Variants in TMEM143 observed in about 807,000 individuals in gnomAD.
TMEM143 encodes the protein transmembrane protein 143.
A neutral mutation model predicts 40.3 loss-of-function variants in TMEM143; 45 were observed. The ratio of observed to expected loss-of-function variants is 1.12; its 90% confidence interval spans 0.88 to 1.43. TMEM143 has a LOEUF of 1.43. Ranked by LOEUF, TMEM143 falls within the 40% of genes most tolerant of loss-of-function variation. The pLI, the probability that TMEM143 is intolerant of heterozygous loss-of-function variation, is 0.00. For synonymous variants in TMEM143, 299 were observed against 282.7 expected (o/e 1.06, Z -0.58); for missense variants, 620 against 613.4 (o/e 1.01, Z -0.11).
At chr19:48,353,289 C>T (rs1481775994) in intron 3 of TMEM143, among the ~76,000 whole-genome samples, 1 of 151,748 alleles carries the variant, frequency 6.6e-6, no homozygotes. Context: ...AAGCGATTCT[C>T]CTGCCTCAGC....
chr19:48,334,418 CTTTCTT>C (rs1969299230), intron 6 of TMEM143, among the ~76,000 whole-genome samples: 1 of 13,476 alleles, frequency 7.4e-5, no homozygotes, highest in South Asian at 2.7e-3. Context: ...CTTTTTCTCT[CTTTCTT>C]TCTTTCTTTC....
chr19:48,357,211 C>T (rs1259089062), intron 3 of TMEM143, among the ~76,000 whole-genome samples: 1 of 151,780 alleles, frequency 6.6e-6, no homozygotes, highest in Non-Finnish European at 1.5e-5. Flanking sequence ...CCTGCTTTGG[C>T]CACCCAAAGT....
chr19:48,341,803 G>A lies in TMEM143; in HGVS notation c.975+727C>T, dbSNP rs189362365. Among the ~76,000 whole-genome samples, 529 of 152,014 alleles carry A rather than the reference G, an allele frequency of 3.5e-3. 1 individual carries two copies. The highest frequency in any genetic ancestry group is 5.0e-3 in the Non-Finnish European group (337 of 67,984). On this transcript the variant is annotated intron_variant, in intron 6 of 7. Coordinates refer to ENST00000293261, the MANE Select transcript of TMEM143 (RefSeq NM_018273.4). ...GCTTCCAGAACACACCCCCTTCACC[G>A]CATCACTAAAGCGCCCCTAAAGCCG...
At chr19:48,357,647 C>T (rs1471078130) in intron 3 of TMEM143, among the ~76,000 whole-genome samples, 29 of 152,068 alleles carry the variant, frequency 1.9e-4, no homozygotes, top group Admixed American at 1.8e-3. Flanking sequence ...TGAGCCACCA[C>T]GCCCGGCCTC....
intron 3 of TMEM143, among the ~76,000 whole-genome samples, chr19:48,346,504 A>C (rs992953147): frequency 2.6e-5 from 4 of 152,142 alleles, no homozygotes; most frequent in Non-Finnish European, 4.4e-5. Flanking sequence ...TTCTCACTGA[A>C]GCCACCTTCA....
intron 4 of TMEM143, among the ~76,000 whole-genome samples, chr19:48,343,685 T>C (rs1458124139): frequency 1.3e-5 from 2 of 152,190 alleles, no homozygotes; most frequent in East Asian, 1.9e-4. Context: ...TTTCCTAGAA[T>C]CTAAGGTGCC....
intron 1 of TMEM143, 146 bp downstream of exon 1, chr19:48,363,752 G>T: frequency 6.9e-7 from 1 of 1,445,438 alleles, no homozygotes; most frequent in Non-Finnish European, 9.6e-7. Flanking sequence ...CGTTTTTCAG[G>T]CCCAGAGACC....
intron 6 of TMEM143, among the ~76,000 whole-genome samples, chr19:48,335,526 AC>A (rs1969349008): frequency 6.6e-6 from 1 of 152,162 alleles, no homozygotes; most frequent in Non-Finnish European, 1.5e-5. Flanking sequence ...GAAGTTCGAG[AC>A]CAGCCTGACC....
intron 3 of TMEM143, among the ~76,000 whole-genome samples, chr19:48,348,733 C>A (rs1293896533): frequency 6.6e-6 from 1 of 152,252 alleles, no homozygotes; most frequent in East Asian, 1.9e-4. Context: ...AGTGGTGTAA[C>A]CAGAATGACA....
intron 6 of TMEM143, among the ~76,000 whole-genome samples, chr19:48,337,249 TTAA>T (rs1407666564): frequency 6.6e-6 from 1 of 151,234 alleles, no homozygotes; most frequent in African/African-American, 2.4e-5. Flanking sequence ...CAATACACGG[TTAA>T]TAAAACATTG....
chr19:48,338,725 G>C (rs961767492), intron 6 of TMEM143, among the ~76,000 whole-genome samples: 1 of 152,122 alleles, frequency 6.6e-6, no homozygotes, highest in African/African-American at 2.4e-5. Flanking sequence ...GCATCTCAGG[G>C]GCACCAGTTC....
intron 3 of TMEM143, among the ~76,000 whole-genome samples, chr19:48,358,629 C>T (rs775178772): frequency 2.0e-5 from 3 of 152,142 alleles, no homozygotes; most frequent in East Asian, 1.9e-4. Context: ...ATCAGCAAAA[C>T]GCTGATGCCT....
At chr19:48,334,492 C>CT in intron 6 of TMEM143, among the ~76,000 whole-genome samples, 3 of 123,906 alleles carry the variant, frequency 2.4e-5, no homozygotes, top group African/African-American at 9.6e-5. Context: ...TTCTTTCTTT[C>CT]TTTCGTTCTT....
intron 3 of TMEM143, among the ~76,000 whole-genome samples, chr19:48,358,037 T>C (rs1969949509): frequency 6.6e-6 from 1 of 152,032 alleles, no homozygotes; most frequent in Non-Finnish European, 1.5e-5. Flanking sequence ...AATTCATCCA[T>C]GTAACCAAAA....
chr19:48,334,784 G>A (rs1969331881), intron 6 of TMEM143, among the ~76,000 whole-genome samples: 2 of 152,000 alleles, frequency 1.3e-5, no homozygotes, highest in Non-Finnish European at 2.9e-5. Context: ...GATTCTCCCT[G>A]TGTTGACCAG....
Position 48,345,287 on chromosome 19 carries a change from C to A in TMEM143, c.437G>T (p.Arg146Leu), listed in dbSNP as rs376061380. ...LDQPSLTDPQ[R>L]LSNEQEVLRA... ...AAGCACCTCCTGCTCATTAGACAGA[C>A]GCTGGGGATCCGTTAGTGATGGCTG... The change falls in exon 4 of 8, where the codon CGT becomes CTT. Residue 146 changes from arginine (R) to leucine (L), a missense_variant. Transcript: ENST00000293261. The A allele has an allele frequency of 6.2e-6, 10 of 1,608,662 alleles. No homozygotes were observed. Among genetic ancestry groups the A allele is most frequent in the Middle Eastern group, 1.7e-4 (1 of 6,020 alleles).
intron 3 of TMEM143, among the ~76,000 whole-genome samples, chr19:48,350,334 G>A (rs1236386147): frequency 6.6e-6 from 1 of 151,880 alleles, no homozygotes; most frequent in Non-Finnish European, 1.5e-5. Context: ...AATGAAGTTC[G>A]TGGCTACTAT....
chr19:48,335,202 T>A (rs1420508769), intron 6 of TMEM143, among the ~76,000 whole-genome samples: 2 of 152,230 alleles, frequency 1.3e-5, no homozygotes, highest in African/African-American at 4.8e-5. Flanking sequence ...TGATGCTAGG[T>A]GCTGGCTAGT....
chr19:48,346,402 T>C (rs1003716207), intron 3 of TMEM143, among the ~76,000 whole-genome samples: 1 of 152,056 alleles, frequency 6.6e-6, no homozygotes, highest in African/African-American at 2.4e-5. Context: ...TCTTTTCTTA[T>C]CACACCCATA....
Sources: allele counts gnomAD v4.1 joint callset (sites outside exome capture counted in the v4.1 genomes callset), GRCh38; gene constraint gnomAD v4.1.1; transcripts MANE v1.5; gene names NCBI Gene and HGNC (gene_info 2026-07-23, HGNC 2026-07-21).